Variants in TBCK observed in about 807,000 individuals in gnomAD.
TBCK encodes TBC domain-containing protein kinase-like protein.
A neutral mutation model predicts 113.4 loss-of-function variants in TBCK; 99 were observed. That is an observed-to-expected ratio of 0.87 (90% CI 0.74 to 1.03). The LOEUF is 1.03. TBCK is among the 50% of genes least tolerant of loss of function. TBCK has a pLI of 0.00. For synonymous variants in TBCK, 369 were observed against 370.8 expected (o/e 1.00, Z 0.05); for missense variants, 1,045 against 1,061.3 (o/e 0.98, Z 0.21).
At chr4:106,254,070 C>CT (rs201908501) in intron 5 of TBCK, among the ~76,000 whole-genome samples, 168 of 149,460 alleles carry the variant, frequency 1.1e-3, no homozygotes, top group Non-Finnish European at 5.4e-4. Context: ...TCTTTTCTTT[C>CT]TTTTTTTTTT....
chr4:106,226,124 A>C (rs1758220312), intron 19 of TBCK, among the ~76,000 whole-genome samples: 1 of 152,176 alleles, frequency 6.6e-6, no homozygotes, highest in Non-Finnish European at 1.5e-5. Flanking sequence ...AGATTGTGCC[A>C]TGGCACTCTA....
chr4:106,154,538 G>A (rs1352822742), intron 23 of TBCK, among the ~76,000 whole-genome samples: 3 of 152,136 alleles, frequency 2.0e-5, no homozygotes, highest in African/African-American at 7.2e-5. Flanking sequence ...ATTGGATCAT[G>A]GGAGTCATTT....
At chr4:106,155,508 G>A (rs1450779891) in intron 23 of TBCK, among the ~76,000 whole-genome samples, 1 of 152,048 alleles carries the variant, frequency 6.6e-6, no homozygotes, top group African/African-American at 2.4e-5. Flanking sequence ...TTTAAGTCCA[G>A]TAACTCTTAG....
At chr4:106,236,335 T>TA (rs984800345) in intron 14 of TBCK, 55 bp downstream of exon 14, 204 of 1,282,904 alleles carry the variant, frequency 1.6e-4, no homozygotes, top group African/African-American at 3.5e-4. Context: ...TTGAAAAAAT[T>TA]AAAAAAAAAT....
rs560220620 is a variant in TBCK at position 106,061,392 on chromosome 4, G to A, written c.2572-14712C>T. 2.7e-5 allele frequency among the ~76,000 whole-genome samples: 4 copies of A among 150,446 alleles called. No individual in the cohort carries two copies. The East Asian group carries it at 7.8e-4, about 29-fold the overall frequency. On this transcript the variant is annotated intron_variant, in intron 25 of 25. Coordinates refer to ENST00000394708, the MANE Select transcript of TBCK (RefSeq NM_001163435.3). ...AGTGTGGAGGCAAGACCTTGCACCA[G>A]TGAAAAGATTATGATTTAGAGAAGG... is the stretch of plus-strand genomic sequence containing the variant.
intron 23 of TBCK, among the ~76,000 whole-genome samples, chr4:106,120,193 G>T (rs1446891267): frequency 1.3e-5 from 2 of 152,214 alleles, no homozygotes; most frequent in Admixed American, 1.3e-4. Context: ...CCGAGTCAAA[G>T]AAAGGGGTGA....
intron 22 of TBCK, among the ~76,000 whole-genome samples, chr4:106,186,851 T>C (rs1753079502): frequency 6.6e-6 from 1 of 152,158 alleles, no homozygotes; most frequent in South Asian, 2.1e-4. Flanking sequence ...AGTTTTCTTC[T>C]AGGATTCTTA....
chr4:106,283,049 AG>A (rs1764774318), intron 3 of TBCK, among the ~76,000 whole-genome samples: 1 of 152,192 alleles, frequency 6.6e-6, no homozygotes, highest in Admixed American at 6.5e-5. Flanking sequence ...AAACATTTCT[AG>A]GAATATCATA....
chr4:106,219,972 T>A (rs1757482679), intron 19 of TBCK, among the ~76,000 whole-genome samples: 1 of 152,260 alleles, frequency 6.6e-6, no homozygotes, highest in African/African-American at 2.4e-5. Flanking sequence ...GCCTTGTTAT[T>A]TGTTAAATTT....
chr4:106,191,445 A>T (rs1753654951), intron 22 of TBCK, among the ~76,000 whole-genome samples: 1 of 152,204 alleles, frequency 6.6e-6, no homozygotes, highest in African/African-American at 2.4e-5. Flanking sequence ...GAACTTATTT[A>T]TTTGAAGTTT....
At chr4:106,137,217 C>T (rs1746659109) in intron 23 of TBCK, among the ~76,000 whole-genome samples, 1 of 138,534 alleles carries the variant, frequency 7.2e-6, no homozygotes, top group Non-Finnish European at 1.6e-5. Context: ...AAAGGATAAA[C>T]AATTTAAAGA....
In TBCK at chr4:106,142,249, T is replaced by A. The variant is rs1433009677; in HGVS notation, c.2236-25871A>T. Among the ~76,000 whole-genome samples the A allele has an allele frequency of 5.3e-5, 8 of 152,230 alleles. No individual in the cohort carries two copies. The East Asian group carries it at 1.5e-3, about 29-fold the overall frequency. The stretch of plus-strand genomic sequence containing the variant: ...TAGATGTATTTTGGAAAAACTTCAG[T>A]TTAGCAGGGTTTTTAAGTTGCTCAT... On this transcript the variant is annotated intron_variant, in intron 23 of 25. Transcript: ENST00000394708.
chr4:106,193,793 AT>A, intron 21 of TBCK, 23 bp from the exon 22 acceptor site: 1 of 1,464,022 alleles, frequency 6.8e-7, no homozygotes, highest in African/African-American at 1.4e-5. Context: ...AAAAATACAA[AT>A]AAATTAAAAA....
intron 2 of TBCK, among the ~76,000 whole-genome samples, chr4:106,302,196 C>G (rs551454243): frequency 6.6e-6 from 1 of 152,228 alleles, no homozygotes; most frequent in South Asian, 2.1e-4. Flanking sequence ...CTATGTTACC[C>G]TAGCAGAGAG....
chr4:106,235,302 T>C lies in TBCK; in HGVS notation c.1416A>G (p.Arg472=). The change falls in exon 15 of 26, where the codon AGA becomes AGG. Residue 472 remains arginine, a synonymous_variant. Transcript: ENST00000394708. The stretch of plus-strand genomic sequence containing the variant: ...CCAGAAGAGCAGCCCAGGTTAAACC[T>C]CTCATAAGAGGAGGAATGTCAACTC... ...EARVDIPPLM[R]GLTWAALLGV... 6.2e-7 allele frequency: 1 copy of C among 1,610,948 alleles called. No individual in the cohort carries two copies. The highest frequency in any genetic ancestry group is 8.5e-7 in the Non-Finnish European group (1 of 1,178,558).
rs369084352 is a variant in TBCK, at chr4:106,261,490, T to C, written c.381+608A>G. Among the ~76,000 whole-genome samples, 20 of 152,118 alleles carry C rather than the reference T, an allele frequency of 1.3e-4. 1 individual carries two copies. The East Asian group carries it at 1.9e-3, about 15-fold the overall frequency. ...TGCCCATGAAAAAATTTCCTCCAAG[T>C]TGTTTTTATGTATTTTATGAAAAGG... On this transcript the variant is annotated intron_variant, in intron 4 of 25. Coordinates refer to ENST00000394708, the MANE Select transcript of TBCK (RefSeq NM_001163435.3).
chr4:106,248,058 TTTAA>T, intron 9 of TBCK, 183 bp downstream of exon 9: 1 of 402,012 alleles, frequency 2.5e-6, no homozygotes, highest in East Asian at 3.9e-5. Flanking sequence ...GTAGTTTAAC[TTTAA>T]TTACTTTTTC....
Position 106,045,009 on chromosome 4 carries a change from A to C in TBCK, c.*1561T>G, listed in dbSNP as rs138760914. The C allele has an allele frequency of 7.3e-6, 1 of 137,110 alleles. No individual in the cohort carries two copies. The highest frequency in any genetic ancestry group is 7.0e-5 in the Admixed American group (1 of 14,252). The allele number at this position is 137,110 out of a possible 1,614,324, so 8.5% of individuals were successfully genotyped here. A position where few individuals can be genotyped will look rare whatever the true frequency, so the allele number is the denominator to read the frequency against. On this transcript the variant is annotated 3_prime_UTR_variant, in exon 26 of 26. Transcript: ENST00000394708. ...TTAAAGGATATGCTATATTTCATAT[A>C]TATGAGGCATTTTTTTTTTCAGATT...
chr4:106,075,522 G>C (rs1201597375), intron 25 of TBCK, among the ~76,000 whole-genome samples: 1 of 152,172 alleles, frequency 6.6e-6, no homozygotes, highest in African/African-American at 2.4e-5. Flanking sequence ...CATGCTTCGA[G>C]ATTGCCTTCA....
Sources: gnomAD v4.1 joint callset for allele counts (sites outside exome capture counted in the v4.1 genomes callset) on GRCh38, gnomAD v4.1.1 for gene constraint, MANE v1.5 for transcripts, NCBI Gene and HGNC (gene_info 2026-07-23, HGNC 2026-07-21) for gene names.